Variants in DCDC2 observed in about 807,000 individuals in gnomAD.
The protein encoded by DCDC2 is doublecortin domain containing 2.
DCDC2 carries 40 observed loss-of-function variants against 50.2 expected under a neutral mutation model. The ratio of observed to expected loss-of-function variants is 0.80; its 90% CI spans 0.62 to 1.04. The LOEUF (loss-of-function observed/expected upper bound fraction) is 1.04. DCDC2 is among the 50% of genes least tolerant of loss of function. The pLI is 0.00. For synonymous variants in DCDC2, 234 were observed against 210.6 expected (o/e 1.11, Z -0.96); for missense variants, 570 against 581.9 (o/e 0.98, Z 0.21).
chr6:24,213,269 T>A (rs1224689206), intron 7 of DCDC2, among the ~76,000 whole-genome samples: 6 of 152,140 alleles, frequency 3.9e-5, no homozygotes, highest in South Asian at 2.1e-4. Context: ...AAAATCTTAG[T>A]TATCTATTAA....
intron 7 of DCDC2, among the ~76,000 whole-genome samples, chr6:24,220,571 T>C (rs897161315): frequency 2.0e-5 from 3 of 152,214 alleles, no homozygotes; most frequent in African/African-American, 7.2e-5. Flanking sequence ...TTCACAAAAT[T>C]TTTATTTCAT....
At chr6:24,348,084 AG>A (rs1760300894) in intron 2 of DCDC2, among the ~76,000 whole-genome samples, 2 of 152,250 alleles carry the variant, frequency 1.3e-5, no homozygotes, top group African/African-American at 4.8e-5. Flanking sequence ...GAAGTCTAAC[AG>A]GAACAAGCCT....
chr6:24,269,332 A>G (rs1232035987), intron 7 of DCDC2, among the ~76,000 whole-genome samples: 1 of 152,262 alleles, frequency 6.6e-6, no homozygotes, highest in East Asian at 1.9e-4. Context: ...AAATGACTCA[A>G]TACCCAGAAG....
chr6:24,354,269 T>C (rs1223935344), intron 1 of DCDC2, among the ~76,000 whole-genome samples: 1 of 152,164 alleles, frequency 6.6e-6, no homozygotes, highest in Non-Finnish European at 1.5e-5. Context: ...CAACTTCACG[T>C]GTAATATCAC....
chr6:24,270,894 C>A (rs1300219167), intron 7 of DCDC2, among the ~76,000 whole-genome samples: 1 of 151,932 alleles, frequency 6.6e-6, no homozygotes, highest in Non-Finnish European at 1.5e-5. Context: ...ACCACTGGGG[C>A]GGATGCATAT....
Position 24,210,197 on chromosome 6 carries a change from G to T in DCDC2, c.923-5095C>A, listed in dbSNP as rs188536450. On this transcript the variant is annotated intron_variant, in intron 7 of 9. Transcript: ENST00000378454. ...TGGCCCACCTCAGAGCTGCATTGTG[G>T]ATCAGGTTCTCTATCTACACACTTT... Among the ~76,000 whole-genome samples the T allele has an allele frequency of 3.9e-3, 592 of 152,094 alleles. 6 individuals carry two copies. Among genetic ancestry groups the T allele is most frequent in the Non-Finnish European group, 7.3e-3 (498 of 67,994 alleles).
At chr6:24,247,929 A>C (rs1762717765) in intron 7 of DCDC2, among the ~76,000 whole-genome samples, 1 of 152,158 alleles carries the variant, frequency 6.6e-6, no homozygotes, top group Admixed American at 6.5e-5. Flanking sequence ...ACAAAAAATT[A>C]GCTGGGTATG....
At chr6:24,305,730 A>C (rs998715743) in intron 2 of DCDC2, among the ~76,000 whole-genome samples, 1 of 152,194 alleles carries the variant, frequency 6.6e-6, no homozygotes, top group Admixed American at 6.5e-5. Context: ...CACTGTAAAC[A>C]TAAATGCCAC....
In DCDC2 at chr6:24,268,642, G is replaced by A. The variant is rs1477157252; in HGVS notation, c.922+9407C>T. ...GTTGGAATACAGTGGTGCAATCTCA[G>A]CTCACTGCAACCCCTGCCTCCTGGG... On this transcript the variant is annotated intron_variant, in intron 7 of 9. Coordinates refer to ENST00000378454, the MANE Select transcript of DCDC2 (RefSeq NM_016356.5). Among the ~76,000 whole-genome samples the A allele has an allele frequency of 2.6e-5, 4 of 152,030 alleles. No individual in the cohort carries two copies. The South Asian group carries it at 6.2e-4, about 24-fold the overall frequency.
intron 7 of DCDC2, among the ~76,000 whole-genome samples, chr6:24,238,945 GAGT>G (rs1254467742): frequency 2.6e-5 from 4 of 152,200 alleles, no homozygotes; most frequent in African/African-American, 7.2e-5. Context: ...CTATAGGAGA[GAGT>G]ATTAGCTTTA....
intron 8 of DCDC2, among the ~76,000 whole-genome samples, chr6:24,179,361 C>T (rs1760999633): frequency 6.6e-6 from 1 of 150,922 alleles, no homozygotes; most frequent in South Asian, 2.1e-4. Flanking sequence ...TCCTGGCTAA[C>T]ATGGTGAAAC....
chr6:24,212,778 A>G (rs888608404), intron 7 of DCDC2, among the ~76,000 whole-genome samples: 7 of 152,204 alleles, frequency 4.6e-5, no homozygotes, highest in African/African-American at 1.4e-4. Flanking sequence ...TAAAAATAAA[A>G]GTGCTCCTCA....
chr6:24,337,564 T>C (rs1392805692), intron 2 of DCDC2, among the ~76,000 whole-genome samples: 1 of 151,978 alleles, frequency 6.6e-6, no homozygotes, highest in African/African-American at 2.4e-5. Flanking sequence ...GAGGCCGAGG[T>C]GGGCGGATCG....
At chr6:24,341,967 A>AC (rs1561781502) in intron 2 of DCDC2, among the ~76,000 whole-genome samples, 8 of 117,346 alleles carry the variant, frequency 6.8e-5, no homozygotes, top group African/African-American at 2.9e-4. Context: ...CACACACACA[A>AC]ACACACAGAG....
chr6:24,246,518 G>T (rs545147871), intron 7 of DCDC2, among the ~76,000 whole-genome samples: 2 of 106,124 alleles, frequency 1.9e-5, no homozygotes, highest in Admixed American at 1.6e-4. Context: ...ATGGAGTCTC[G>T]CTCTGTCACC....
At chr6:24,363,965 A>C in the DCDC2 span, among the ~76,000 whole-genome samples, 1 of 152,288 alleles carries the variant, frequency 6.6e-6, no homozygotes, top group East Asian at 1.9e-4. Flanking sequence ...CCATAAATAT[A>C]CTACTCTTGT....
chr6:24,359,512 T>G (rs1581672805), upstream of DCDC2, among the ~76,000 whole-genome samples: 1 of 103,360 alleles, frequency 9.7e-6, no homozygotes, highest in East Asian at 2.4e-4. Context: ...ATTTTATATA[T>G]TATATATATT....
intron 7 of DCDC2, among the ~76,000 whole-genome samples, chr6:24,221,723 C>T (rs1762122680): frequency 6.6e-6 from 1 of 152,198 alleles, no homozygotes; most frequent in South Asian, 2.1e-4. Context: ...TATTTTTAGC[C>T]TACTTTATGG....
the DCDC2 span, among the ~76,000 whole-genome samples, chr6:24,369,937 G>A: frequency 1.3e-5 from 2 of 152,090 alleles, no homozygotes; most frequent in African/African-American, 2.4e-5. Flanking sequence ...AGCTACTCAG[G>A]AGGCTGAGGT....
Sources: allele counts gnomAD v4.1 joint callset (sites outside exome capture counted in the v4.1 genomes callset), GRCh38; gene constraint gnomAD v4.1.1; transcripts MANE v1.5; gene names NCBI Gene and HGNC (gene_info 2026-07-23, HGNC 2026-07-21).